Variants in UGT2A3 observed in about 807,000 individuals in gnomAD.
UGT2A3 encodes UDP glucuronosyltransferase family 2 member A3.
Under a neutral mutation model 44.1 loss-of-function variants are expected in UGT2A3, and 55 were observed. The ratio of observed to expected loss-of-function variants is 1.25; its 90% CI spans 1.00 to 1.56. The LOEUF (loss-of-function observed/expected upper bound fraction) is 1.56. Ranked by LOEUF, UGT2A3 falls within the 40% of genes most tolerant of loss-of-function variation. UGT2A3 has a pLI of 0.00. For missense variants in UGT2A3, 733 were observed against 621.6 expected (o/e 1.18, Z -1.91); for synonymous variants, 243 against 215.1 (o/e 1.13, Z -1.13).
At chr4:68,942,471 A>C (rs933825147) in intron 2 of UGT2A3, among the ~76,000 whole-genome samples, 1 of 142,884 alleles carries the variant, frequency 7.0e-6, no homozygotes, top group African/African-American at 2.6e-5. Context: ...ATTATATATT[A>C]ACTTTTTTAT....
intron 4 of UGT2A3, 42 bp from the exon 5 acceptor site, chr4:68,930,807 C>G: frequency 6.8e-7 from 1 of 1,471,934 alleles, no homozygotes; most frequent in Non-Finnish European, 9.1e-7. Context: ...ATATTTTATT[C>G]TAAACTTTTA....
Position 68,951,422 on chromosome 4 carries a change from A to G in UGT2A3, c.339T>C (p.Phe113=). 6.2e-7 allele frequency: 1 copy of G among 1,611,698 alleles called. No individual in the cohort carries two copies. Among genetic ancestry groups the G allele is most frequent in the Middle Eastern group, 1.7e-4 (1 of 6,028 alleles). ...TTAAAGTTCCTCTTATTTCAACAAA[A>G]AAATCATTTAATTTTATAACTGATT... is the stretch of plus-strand genomic sequence containing the variant. ...TWQSVIKLND[F]FVEIRGTLKM... The change falls in exon 1 of 6, where the codon TTT becomes TTC. Residue 113 remains phenylalanine, a synonymous_variant. Transcript: ENST00000251566.
intron 2 of UGT2A3, among the ~76,000 whole-genome samples, chr4:68,936,287 G>C (rs372313556): frequency 6.6e-6 from 1 of 152,014 alleles, no homozygotes; most frequent in Non-Finnish European, 1.5e-5. Flanking sequence ...TGAAATGAAG[G>C]AAAAAATGCT....
At chr4:68,940,692 T>C (rs969694868) in intron 2 of UGT2A3, among the ~76,000 whole-genome samples, 1 of 148,922 alleles carries the variant, frequency 6.7e-6, no homozygotes, top group African/African-American at 2.4e-5. Context: ...ACTTAAAGTA[T>C]TTTATATATA....
chr4:68,936,016 A>C (rs933606809), intron 2 of UGT2A3, among the ~76,000 whole-genome samples: 1 of 152,128 alleles, frequency 6.6e-6, no homozygotes, highest in African/African-American at 2.4e-5. Flanking sequence ...TTAGGGAAAA[A>C]AGTGTAAAAA....
intron 2 of UGT2A3, chr4:68,943,230 T>C (rs936892204): frequency 1.5e-6 from 1 of 681,806 alleles, no homozygotes; most frequent in Non-Finnish European, 2.1e-6. Context: ...TTTGTGTGTG[T>C]GTGTAAAACT....
intron 1 of UGT2A3, 34 bp from the exon 2 acceptor site, chr4:68,945,488 A>G (rs769314144): frequency 4.6e-6 from 7 of 1,522,286 alleles, no homozygotes; most frequent in South Asian, 2.6e-5. Flanking sequence ...GAATTAGCAT[A>G]CAATTCAAAT....
chr4:68,931,818 T>C (rs1314166622), intron 3 of UGT2A3, among the ~76,000 whole-genome samples: 1 of 152,044 alleles, frequency 6.6e-6, no homozygotes, highest in African/African-American at 2.4e-5. Context: ...ATTGTACCTT[T>C]TTTTTACACA....
rs1717705437 is a variant in UGT2A3 at position 68,930,751 on chromosome 4, TG to T, written c.1098del (p.Ala368LeufsTer8). On this transcript the variant is annotated frameshift_variant, in exon 5 of 6. Transcript: ENST00000251566. LOFTEE classifies it high-confidence loss of function. ...ATTCCACCATGAGTGATAAAAGCTT[TG>T]GTTTTGGGATGACCTAGTATGTAAA... is the stretch of plus-strand genomic sequence containing the variant. ...PQNDLLGHPKTKAFITHGGMN... is the reference protein window; with the variant it reads ...PQNDLLGHPKXKAFITHGGMN... 1 of 1,598,698 alleles carries T rather than the reference TG, an allele frequency of 6.3e-7. No homozygotes were observed. The highest frequency in any genetic ancestry group is 8.5e-7 in the Non-Finnish European group (1 of 1,174,692).
Position 68,931,258 on chromosome 4 carries a change from A to G in UGT2A3, c.997-16T>C, listed in dbSNP as rs755668736. ...TCCATAACACCTACGGAAGAAACAC[A>G]TGTATTTCACAGAGTGAACCACAGG... On this transcript the variant is annotated splice_polypyrimidine_tract_variant and intron_variant, in intron 3 of 5. Coordinates refer to ENST00000251566, the MANE Select transcript of UGT2A3 (RefSeq NM_024743.4). 8 of 1,600,354 alleles carry G rather than the reference A, an allele frequency of 5.0e-6. No homozygotes were observed. In the Admixed American group the frequency reaches 1.2e-4, roughly 24 times the overall value.
At chr4:68,940,536 C>T (rs956421084) in intron 2 of UGT2A3, among the ~76,000 whole-genome samples, 12 of 151,564 alleles carry the variant, frequency 7.9e-5, no homozygotes, top group African/African-American at 2.9e-4. Context: ...CATCACACAC[C>T]TGGCCTGTTG....
intron 1 of UGT2A3, among the ~76,000 whole-genome samples, chr4:68,948,435 T>TCTTCTTC (rs1448525476): frequency 2.5e-5 from 2 of 80,076 alleles, no homozygotes; most frequent in Non-Finnish European, 6.7e-5. Flanking sequence ...CTTTTCTTTT[T>TCTTCTTC]TTTCTTTTTT....
chr4:68,934,971 A>G (rs979837365), intron 2 of UGT2A3, among the ~76,000 whole-genome samples: 4 of 151,882 alleles, frequency 2.6e-5, no homozygotes, highest in African/African-American at 7.2e-5. Context: ...AAATGGAAAA[A>G]TCTAGGAAAA....
rs1717720235 is a variant in UGT2A3, at chr4:68,931,142, C to A, written c.1084+13G>T. The A allele has an allele frequency of 6.2e-7, 1 of 1,604,904 alleles. No individual in the cohort carries two copies. The highest frequency in any genetic ancestry group is 8.5e-7 in the Non-Finnish European group (1 of 1,174,304). ...CTCGTCTAGTTCATATTTTTACTTT[C>A]TCATAGACCTACCAAGAAGATCATT... is the stretch of plus-strand genomic sequence containing the variant. On this transcript the variant is annotated intron_variant, in intron 4 of 5. Transcript: ENST00000251566.
intron 2 of UGT2A3, among the ~76,000 whole-genome samples, chr4:68,937,312 G>A (rs1717989548): frequency 1.3e-5 from 2 of 152,012 alleles, no homozygotes; most frequent in South Asian, 4.2e-4. Flanking sequence ...CACATAATTG[G>A]AAGTAAAACA....
chr4:68,936,554 G>A (rs527271766), intron 2 of UGT2A3, among the ~76,000 whole-genome samples: 77 of 152,136 alleles, frequency 5.1e-4, no homozygotes, highest in Non-Finnish European at 9.4e-4. Flanking sequence ...AAGAGCTCCC[G>A]AAGGAAGCAC....
chr4:68,951,548 T>G lies in UGT2A3; in HGVS notation c.213A>C (p.Ala71=), dbSNP rs1718593990. 1 of 1,612,946 alleles carries G rather than the reference T, an allele frequency of 6.2e-7. No individual in the cohort carries two copies. The highest frequency in any genetic ancestry group is 8.5e-7 in the Non-Finnish European group (1 of 1,179,470). Residue 71 remains alanine (A), a synonymous_variant, in exon 1 of 6, where the codon GCA becomes GCC. Coordinates refer to ENST00000251566, the MANE Select transcript of UGT2A3 (RefSeq NM_024743.4). The stretch of plus-strand genomic sequence containing the variant: ...GCATATGGACCACCTCAAATTTCAA[T>G]GCAGAAGGCTTCCTGTAGTCAATTA... The part of the protein sequence containing the change: ...PSLIDYRKPS[A]LKFEVVHMPQ...
chr4:68,942,971 A>G (rs571700949), intron 2 of UGT2A3, among the ~76,000 whole-genome samples: 3 of 151,926 alleles, frequency 2.0e-5, no homozygotes, highest in African/African-American at 7.2e-5. Flanking sequence ...TGATGTAATT[A>G]TTACACAACA....
chr4:68,941,082 TA>T (rs2109788295), intron 2 of UGT2A3, among the ~76,000 whole-genome samples: 1 of 151,852 alleles, frequency 6.6e-6, no homozygotes, highest in South Asian at 2.1e-4. Flanking sequence ...CCAGAAGAGC[TA>T]GTTGTTTTAC....
Sources: gnomAD v4.1 joint callset for allele counts (sites outside exome capture counted in the v4.1 genomes callset) on GRCh38, gnomAD v4.1.1 for gene constraint, MANE v1.5 for transcripts, NCBI Gene and HGNC (gene_info 2026-07-23, HGNC 2026-07-21) for gene names.